Variants in PDCD6IP observed in about 807,000 individuals in gnomAD.
The protein encoded by PDCD6IP is programmed cell death 6-interacting protein.
In PDCD6IP, 43 loss-of-function variants were observed where a neutral mutation model predicts 103.7. The ratio of observed to expected loss-of-function variants is 0.41; its 90% confidence interval spans 0.32 to 0.53. PDCD6IP has a LOEUF of 0.53. Ranked by LOEUF, PDCD6IP falls within the 20% of genes least tolerant of loss-of-function variation. PDCD6IP has a pLI of 0.16. For missense variants in PDCD6IP, 871 were observed against 1,036.7 expected (o/e 0.84, Z 2.20); for synonymous variants, 354 against 378.7 (o/e 0.93, Z 0.76).
At chr3:33,852,970 C>T (rs958147146) in intron 13 of PDCD6IP, among the ~76,000 whole-genome samples, 6 of 148,000 alleles carry the variant, frequency 4.1e-5, no homozygotes, top group Non-Finnish European at 8.9e-5. Flanking sequence ...GTCGCCCAGG[C>T]TGGAGTGCAG....
At chr3:33,858,911 A>C (rs964539948) in intron 15 of PDCD6IP, among the ~76,000 whole-genome samples, 3 of 152,252 alleles carry the variant, frequency 2.0e-5, no homozygotes, top group African/African-American at 7.2e-5. Flanking sequence ...GATTAAAAAA[A>C]ATCAGCAGCT....
At position 33,826,562 on chromosome 3, in the gene PDCD6IP, C is replaced by A; in HGVS notation, c.699C>A (p.Tyr233Ter). The change falls in exon 6 of 18, where the codon TAC becomes TAA. Residue 233 changes from tyrosine to a stop codon, truncating the protein, a stop_gained. Coordinates refer to ENST00000307296, the MANE Select transcript of PDCD6IP (RefSeq NM_013374.6). LOFTEE classifies it high-confidence loss of function. The part of the protein sequence containing the change: ...YFGDAFKQCQ[Y>*]KDTLPKEVFP... ...GTGATGCTTTCAAACAGTGTCAATACAAAGATACTCTCCCCAAGGTCAGTT... is the reference window on the plus strand; with the variant it reads ...GTGATGCTTTCAAACAGTGTCAATAAAAAGATACTCTCCCCAAGGTCAGTT... The A allele has an allele frequency of 6.2e-7, 1 of 1,611,176 alleles. No homozygotes were observed. Among genetic ancestry groups the A allele is most frequent in the Non-Finnish European group, 8.5e-7 (1 of 1,177,696 alleles).
At position 33,852,663 on chromosome 3, in the gene PDCD6IP, G is replaced by A. The variant is rs772826382; in HGVS notation, c.1817G>A (p.Arg606Gln). The A allele has an allele frequency of 1.9e-5, 30 of 1,596,560 alleles. No homozygotes were observed. Among genetic ancestry groups the A allele is most frequent in the Non-Finnish European group, 2.4e-5 (28 of 1,175,662 alleles). ...GCTCTTTCTGTTACTGAACTAGATC[G>A]AGTCTATGGAGGTCTTACAACTAAA... is the stretch of plus-strand genomic sequence containing the variant. The part of the protein sequence containing the change: ...EEALSVTELD[R>Q]VYGGLTTKVQ... Residue 606 changes from arginine to glutamine, a missense_variant, in exon 13 of 18, where the codon CGA becomes CAA. By Grantham distance (43) the Arg-to-Gln change is conservative. Transcript: ENST00000307296.
At position 33,809,181 on chromosome 3, in the gene PDCD6IP, TA is replaced by T. The variant is rs142366400; in HGVS notation, c.210-2890del. Reference sequence around the variant, plus strand: ...GCACTTACCACTGTCTTCTATATAATATTTTTGCTTTTTTGTCTTCCCCTCT... The same window carrying T: ...GCACTTACCACTGTCTTCTATATAATTTTTTGCTTTTTTGTCTTCCCCTCT... On this transcript the variant is annotated intron_variant, in intron 1 of 17. Transcript: ENST00000307296. 6.7e-3 allele frequency among the ~76,000 whole-genome samples: 1,016 copies of T among 152,360 alleles called. 26 individuals carry two copies. The highest frequency in any genetic ancestry group is 0.043 in the Admixed American group (651 of 15,306).
chr3:33,802,220 C>T (rs1195630386), intron 1 of PDCD6IP, among the ~76,000 whole-genome samples: 6 of 152,142 alleles, frequency 3.9e-5, no homozygotes, highest in Admixed American at 6.5e-5. Context: ...GAGAAAGGCA[C>T]GGGGCTCGCC....
chr3:33,834,870 G>A (rs1697314348), intron 7 of PDCD6IP, among the ~76,000 whole-genome samples: 1 of 152,028 alleles, frequency 6.6e-6, no homozygotes, highest in Non-Finnish European at 1.5e-5. Context: ...AACCAAACTC[G>A]TTAATTGTGT....
At chr3:33,850,423 C>A (rs1697688635) in intron 12 of PDCD6IP, among the ~76,000 whole-genome samples, 1 of 152,056 alleles carries the variant, frequency 6.6e-6, no homozygotes, top group Non-Finnish European at 1.5e-5. Context: ...AAGCCTCATT[C>A]CTTTTCCCTC....
chr3:33,836,692 C>CA (rs199714705), intron 8 of PDCD6IP, among the ~76,000 whole-genome samples: 3,197 of 125,360 alleles, frequency 0.026, 112 homozygotes, highest in African/African-American at 0.083. Context: ...CTGTCTCTAC[C>CA]AAAAAAAAAA....
At chr3:33,813,533 T>C in intron 2 of PDCD6IP, 26 bp from the exon 3 acceptor site, 1 of 1,436,348 alleles carries the variant, frequency 7.0e-7, no homozygotes, top group Non-Finnish European at 9.6e-7. Context: ...GTTACCTAAT[T>C]TTCTGTTTTC....
intron 1 of PDCD6IP, among the ~76,000 whole-genome samples, chr3:33,804,204 C>A (rs1252261464): frequency 6.6e-6 from 1 of 152,144 alleles, no homozygotes; most frequent in East Asian, 1.9e-4. Context: ...CAGGAACTCT[C>A]ACAAAGCTAG....
chr3:33,848,437 C>T (rs1412810272), intron 12 of PDCD6IP, among the ~76,000 whole-genome samples: 2 of 143,900 alleles, frequency 1.4e-5, no homozygotes, highest in East Asian at 2.3e-4. Flanking sequence ...CGGAGTCTTG[C>T]TCTGTCACCC....
intron 12 of PDCD6IP, among the ~76,000 whole-genome samples, chr3:33,852,267 G>A (rs1209917202): frequency 1.3e-5 from 2 of 152,142 alleles, no homozygotes; most frequent in Non-Finnish European, 2.9e-5. Flanking sequence ...TCAGTAAATT[G>A]TAGATGTTGG....
intron 1 of PDCD6IP, among the ~76,000 whole-genome samples, chr3:33,801,560 A>G (rs886972878): frequency 3.3e-5 from 5 of 152,214 alleles, no homozygotes; most frequent in Non-Finnish European, 5.9e-5. Flanking sequence ...CAGCTGAGGC[A>G]GAAGGATCAC....
intron 1 of PDCD6IP, among the ~76,000 whole-genome samples, chr3:33,808,567 C>T (rs1234548027): frequency 6.6e-6 from 1 of 152,192 alleles, no homozygotes; most frequent in African/African-American, 2.4e-5. Flanking sequence ...GCATGAGCCA[C>T]AGCGCCTGGC....
intron 12 of PDCD6IP, among the ~76,000 whole-genome samples, chr3:33,846,855 C>T (rs1697603348): frequency 6.6e-6 from 1 of 152,154 alleles, no homozygotes. Context: ...GCACCTTGGT[C>T]CCTAACATAA....
chr3:33,826,942 T>G (rs1345231472), intron 6 of PDCD6IP: 1 of 1,002,528 alleles, frequency 1.0e-6, no homozygotes, highest in African/African-American at 1.7e-5. Context: ...TGATTCACAC[T>G]TTTAATTATT....
intron 3 of PDCD6IP, among the ~76,000 whole-genome samples, chr3:33,818,604 C>T (rs193178266): frequency 5.0e-4 from 74 of 148,008 alleles, no homozygotes; most frequent in Middle Eastern, 3.7e-3. Context: ...CTGCAACCTC[C>T]GCCTCCAAGG....
chr3:33,866,391 G>A lies in PDCD6IP; in HGVS notation c.2473G>A (p.Ala825Thr). ...MPMPMGYNPY[A>T]YGQYNMPYPP... ...CATGCCCATGGGCTATAATCCTTAT[G>A]CGTATGGCCAGTATAATATGCCATA... is the stretch of plus-strand genomic sequence containing the variant. Residue 825 changes from alanine to threonine, a missense_variant, in exon 18 of 18, where the codon GCG becomes ACG. Physicochemically the swap from Ala to Thr is moderately conservative, Grantham distance 58. Around this residue, in one of 5 missense-constraint regions of PDCD6IP, gnomAD observed 202 missense variants for 205.2 expected, o/e 0.98. Coordinates refer to ENST00000307296, the MANE Select transcript of PDCD6IP (RefSeq NM_013374.6). The A allele has an allele frequency of 6.2e-7, 1 of 1,602,562 alleles. No individual in the cohort carries two copies. The highest frequency in any genetic ancestry group is 8.5e-7 in the Non-Finnish European group (1 of 1,175,208).
chr3:33,838,444 T>C, intron 9 of PDCD6IP, 117 bp downstream of exon 9: 1 of 914,564 alleles, frequency 1.1e-6, no homozygotes, highest in Non-Finnish European at 1.7e-6. Flanking sequence ...ATAGAAAATG[T>C]AGACACACAC....
Sources: gnomAD v4.1 joint callset for allele counts (sites outside exome capture counted in the v4.1 genomes callset) on GRCh38, gnomAD v4.1.1 for gene constraint, gnomAD v4.1.1 regional missense constraint, MANE v1.5 for transcripts, NCBI Gene and HGNC (gene_info 2026-07-23, HGNC 2026-07-21) for gene names.